The following MCF2L variants were observed in gnomAD, a reference collection of about 807,000 sequenced individuals.
MCF2L encodes the protein guanine nucleotide exchange factor DBS.
MCF2L carries 97 observed loss-of-function variants against 153.4 expected under a neutral mutation model. That is an observed-to-expected ratio of 0.63 (90% CI 0.54 to 0.75). The LOEUF (loss-of-function observed/expected upper bound fraction) is 0.75, where lower values mean the gene tolerates loss of function less well. Ranked by LOEUF, MCF2L falls within the 30% of genes least tolerant of loss-of-function variation. MCF2L has a pLI of 0.00. For missense variants in MCF2L, 1,347 were observed against 1,495.2 expected (o/e 0.90, Z 1.64); for synonymous variants, 659 against 632.2 (o/e 1.04, Z -0.64).
upstream of MCF2L, chr13:112,968,081 A>C: frequency 5.2e-6 from 1 of 193,490 alleles, no homozygotes; most frequent in Admixed American, 7.4e-5. Context: ...GGAAATGTGT[A>C]CTTCTTCCTG....
rs2035748746 is a variant in MCF2L at position 113,097,399 on chromosome 13, A to G, written c.*540A>G. 6.6e-6 allele frequency: 1 copy of G among 152,316 alleles called. No individual in the cohort carries two copies. The highest frequency in any genetic ancestry group is 1.5e-5 in the Non-Finnish European group (1 of 68,142). The allele number at this position is 152,316 out of a possible 1,614,324, so 9.4% of individuals were successfully genotyped here. On this transcript the variant is annotated 3_prime_UTR_variant, in exon 30 of 30. Coordinates refer to ENST00000535094, the MANE Select transcript of MCF2L (RefSeq NM_001112732.3). ...AATTTGATACTGTATTTGATAGAAA[A>G]CTATTTTTTTGTTACCGGGGTTTAC...
intron 2 of MCF2L, among the ~76,000 whole-genome samples, chr13:112,936,547 AG>A (rs1215964537): frequency 1.3e-5 from 2 of 152,164 alleles, no homozygotes; most frequent in East Asian, 3.9e-4. Flanking sequence ...GGAGGTGACA[AG>A]GGGTGTGATT....
chr13:112,917,407 A>C (rs545291330), intron 2 of MCF2L: 1 of 342,826 alleles, frequency 2.9e-6, no homozygotes, highest in African/African-American at 2.1e-5. Context: ...GTGCCTCCAG[A>C]ACAGATCCAG....
chr13:112,923,480 G>A (rs1271238159), intron 2 of MCF2L, among the ~76,000 whole-genome samples: 3 of 151,958 alleles, frequency 2.0e-5, no homozygotes, highest in Non-Finnish European at 4.4e-5. Flanking sequence ...TAGCCAGGAT[G>A]GTCTCAATCT....
intron 26 of MCF2L, chr13:113,094,076 C>G (rs1398412538): frequency 6.5e-6 from 1 of 154,162 alleles, no homozygotes; most frequent in African/African-American, 2.4e-5. Flanking sequence ...GTCAGGCCCT[C>G]TCAGTGAGCT....
In MCF2L at chr13:113,099,022, T is replaced by C. The variant is rs1040507342; in HGVS notation, c.*2163T>C. 1 of 152,256 alleles carries C rather than the reference T, an allele frequency of 6.6e-6. No individual in the cohort carries two copies. Among genetic ancestry groups the C allele is most frequent in the Non-Finnish European group, 1.5e-5 (1 of 68,054 alleles). The allele number at this position is 152,256 out of a possible 1,614,324, so 9.4% of individuals were successfully genotyped here. On this transcript the variant is annotated 3_prime_UTR_variant, in exon 30 of 30. Transcript: ENST00000535094. ...CATCGGATCAGACGTGACAAGTCACTGCTTAGAGACCATCAAGCAAATTTA... is the reference window on the plus strand; with the variant it reads ...CATCGGATCAGACGTGACAAGTCACCGCTTAGAGACCATCAAGCAAATTTA...
chr13:112,902,968 C>A (rs1026225376), intron 2 of MCF2L, among the ~76,000 whole-genome samples: 14 of 152,346 alleles, frequency 9.2e-5, no homozygotes, highest in Non-Finnish European at 1.8e-4. Flanking sequence ...TCTGAATGTT[C>A]TGCATGTATT....
chr13:112,965,368 G>A (rs2081880460), upstream of MCF2L: 2 of 152,278 alleles, frequency 1.3e-5, no homozygotes, highest in South Asian at 2.1e-4. Context: ...ATGAGCTCTG[G>A]GCACGCAGGA....
intron 1 of MCF2L, among the ~76,000 whole-genome samples, chr13:113,000,855 C>T (rs925155972): frequency 1.5e-5 from 2 of 132,888 alleles, no homozygotes; most frequent in African/African-American, 5.2e-5. Flanking sequence ...AGGCCGGGGT[C>T]CCACCCAAAC....
chr13:112,940,448 G>T (rs960440734), intron 2 of MCF2L, among the ~76,000 whole-genome samples: 11 of 152,216 alleles, frequency 7.2e-5, no homozygotes, highest in Non-Finnish European at 1.5e-4. Flanking sequence ...GTCACTTCCC[G>T]TGGTCGGGTG....
Position 112,969,299 on chromosome 13 carries a change from C to G in MCF2L, c.-81C>G, listed in dbSNP as rs937297061. 1.4e-5 allele frequency: 22 copies of G among 1,527,278 alleles called. No individual in the cohort carries two copies. The highest frequency in any genetic ancestry group is 1.9e-4 in the Middle Eastern group (1 of 5,274). 94.6% of individuals were successfully genotyped at this position (1,527,278 alleles called of 1,614,324 possible). ...CTCCCCGCCTCCGCCGCGCCCCCTC[C>G]GCACTCGCACGGCCCCACCCGCAGG... On this transcript the variant is annotated 5_prime_UTR_variant, in exon 1 of 30. Coordinates refer to ENST00000535094, the MANE Select transcript of MCF2L (RefSeq NM_001112732.3). The surrounding 1 kb of genome is among the most constrained non-coding windows in gnomAD (Gnocchi z 4.8).
At chr13:113,011,712 C>A (rs372893109) in intron 1 of MCF2L, among the ~76,000 whole-genome samples, 38 of 77,952 alleles carry the variant, frequency 4.9e-4, no homozygotes, top group South Asian at 1.3e-3. Flanking sequence ...CACCGTGATG[C>A]GGACGGTGGA....
At position 113,070,723 on chromosome 13, in the gene MCF2L, G is replaced by C. The variant is rs373763085; in HGVS notation, c.996+550G>C. ...ATGAATCCCACAGAATGTCACTCTC[G>C]GGATTTGTTTGTTTGCTCAGCACAG... On this transcript the variant is annotated intron_variant, in intron 9 of 29. Coordinates refer to ENST00000535094, the MANE Select transcript of MCF2L (RefSeq NM_001112732.3). This position sits in a 1 kb window ranked among gnomAD's most constrained non-coding sequence, Gnocchi z 5.6. Among the ~76,000 whole-genome samples the C allele has an allele frequency of 2.6e-5, 4 of 152,196 alleles. No homozygotes were observed. Among genetic ancestry groups the C allele is most frequent in the Non-Finnish European group, 5.9e-5 (4 of 68,038 alleles).
At chr13:113,058,967 C>T (rs1025681456) in intron 4 of MCF2L, among the ~76,000 whole-genome samples, 2 of 15,552 alleles carry the variant, frequency 1.3e-4, no homozygotes, top group African/African-American at 3.9e-4. Flanking sequence ...AGTGTTTCAG[C>T]GCTGTTTGGG....
At chr13:112,901,741 G>A (rs2081121753) in intron 1 of MCF2L, among the ~76,000 whole-genome samples, 1 of 152,344 alleles carries the variant, frequency 6.6e-6, no homozygotes, top group African/African-American at 2.4e-5. Context: ...CTGGAACTCG[G>A]AGGACATTCT....
intron 1 of MCF2L, among the ~76,000 whole-genome samples, chr13:112,995,428 G>C (rs2083085606): frequency 6.6e-6 from 1 of 152,258 alleles, no homozygotes; most frequent in South Asian, 2.1e-4. Context: ...GTATACAGTT[G>C]TGCTTAGTAC....
rs775121103 is a variant in MCF2L, at chr13:112,907,132, G to A, written c.169+4761G>A. ...TGCTTTATGGTAGGAGATTACACAG[G>A]ATTCTGAGGGGGGACCTTGTCTCCA... is the stretch of plus-strand genomic sequence containing the variant. On this transcript the variant is annotated intron_variant, in intron 2 of 29. Transcript: ENST00000375608. This position sits in a 1 kb window ranked among gnomAD's most constrained non-coding sequence, Gnocchi z 5.1. Among the ~76,000 whole-genome samples, 4 of 152,116 alleles carry A rather than the reference G, an allele frequency of 2.6e-5. No individual in the cohort carries two copies. The highest frequency in any genetic ancestry group is 4.4e-5 in the Non-Finnish European group (3 of 68,024).
Position 112,983,020 on chromosome 13 carries a change from T to C in MCF2L, c.79+13562T>C, listed in dbSNP as rs1216558493. On this transcript the variant is annotated intron_variant, in intron 1 of 29. Transcript: ENST00000535094. The surrounding 1 kb of genome is among the most constrained non-coding windows in gnomAD (Gnocchi z 4.0). ...GGAGGCGCTGGTTCCAGTGGGGAGG[T>C]TGGGGAAAGCACTTCCTGATGCCTT... 2.0e-5 allele frequency among the ~76,000 whole-genome samples: 3 copies of C among 150,624 alleles called. No homozygotes were observed. Among genetic ancestry groups the C allele is most frequent in the Non-Finnish European group, 4.4e-5 (3 of 67,702 alleles).
rs1001840366 is a variant in MCF2L at position 113,099,716 on chromosome 13, TA to T, written c.*2863del. 7 of 152,074 alleles carry T rather than the reference TA, an allele frequency of 4.6e-5. No homozygotes were observed. Among genetic ancestry groups the T allele is most frequent in the South Asian group, 2.1e-4 (1 of 4,830 alleles). The allele number at this position is 152,074 out of a possible 1,614,324, so 9.4% of individuals were successfully genotyped here. On this transcript the variant is annotated 3_prime_UTR_variant, in exon 30 of 30. Coordinates refer to ENST00000535094, the MANE Select transcript of MCF2L (RefSeq NM_001112732.3). The stretch of plus-strand genomic sequence containing the variant: ...AAAACCTAAGAAACTCCATATCAAA[TA>T]AAAAATTTTAAATATGAGAGAACCA...
Sources: gnomAD v4.1 joint callset for allele counts (sites outside exome capture counted in the v4.1 genomes callset) on GRCh38, gnomAD v4.1.1 for gene constraint, Gnocchi (gnomAD v3.1) non-coding constraint, MANE v1.5 for transcripts, NCBI Gene and HGNC (gene_info 2026-07-23, HGNC 2026-07-21) for gene names.